The following RIC3 variants were observed in gnomAD, a reference collection of about 807,000 sequenced individuals.
The protein encoded by RIC3 is protein RIC-3.
Under a neutral mutation model 27.3 loss-of-function variants are expected in RIC3, and 28 were observed. That is an observed-to-expected ratio of 1.02 (90% CI 0.76 to 1.41). RIC3 has a LOEUF of 1.41. RIC3 is among the 40% of genes most tolerant of loss of function. The probability of loss-of-function intolerance (pLI) is 0.00; values close to 1 mark genes in which losing one functional copy is unlikely to be tolerated. For missense variants in RIC3, 501 were observed against 444.7 expected, an observed-to-expected ratio of 1.13 and a Z score of -1.14; for synonymous variants, 184 against 160.4, an observed-to-expected ratio of 1.15 and a Z score of -1.11.
chr11:8,147,228 A>T (rs1949776924), intron 1 of RIC3, among the ~76,000 whole-genome samples: 1 of 152,194 alleles, frequency 6.6e-6, no homozygotes. Flanking sequence ...ATATTGATTG[A>T]TGTCTCATGT....
chr11:8,115,467 G>C (rs1023473410), intron 5 of RIC3, among the ~76,000 whole-genome samples: 1 of 152,106 alleles, frequency 6.6e-6, no homozygotes, highest in African/African-American at 2.4e-5. Flanking sequence ...TCTTCAAGTA[G>C]AGAGCAAGGG....
chr11:8,159,737 C>G lies in RIC3; in HGVS notation c.124+9129G>C, dbSNP rs189928715. Among the ~76,000 whole-genome samples the G allele has an allele frequency of 6.2e-3, 944 of 152,210 alleles. 22 individuals are homozygous for G. Among genetic ancestry groups the G allele is most frequent in the Admixed American group, 0.051 (777 of 15,290 alleles). On this transcript the variant is annotated intron_variant, in intron 1 of 5. Coordinates refer to ENST00000309737, the MANE Select transcript of RIC3 (RefSeq NM_001206671.4). ...TGGGCATGGTGGCTCATGTCTGTAA[C>G]TCCAGCACTCTGGGAGGCCAAGGCA... is the stretch of plus-strand genomic sequence containing the variant.
At chr11:8,100,656 G>A in the RIC3 span, 4 of 1,571,204 alleles carry the variant, frequency 2.5e-6, no homozygotes, top group Non-Finnish European at 3.5e-6. Context: ...CTCTGCATGA[G>A]CTTCTAAGGG....
the RIC3 span, chr11:8,096,940 C>A: frequency 9.7e-7 from 1 of 1,035,834 alleles, no homozygotes; most frequent in Non-Finnish European, 1.5e-6. Context: ...CTCTACCTTG[C>A]CTCCTAACCT....
intron 1 of RIC3, among the ~76,000 whole-genome samples, chr11:8,150,598 C>T (rs1371634623): frequency 6.6e-6 from 1 of 151,664 alleles, no homozygotes. Context: ...GAATGGTTCC[C>T]AATACCAAAA....
chr11:8,095,437 G>A, the RIC3 span: 1 of 1,532,754 alleles, frequency 6.5e-7, no homozygotes, highest in Non-Finnish European at 8.8e-7. Flanking sequence ...ATGGACGTCT[G>A]AGAATCCAGG....
intron 5 of RIC3, among the ~76,000 whole-genome samples, chr11:8,115,945 T>A: frequency 6.6e-6 from 1 of 152,102 alleles, no homozygotes; most frequent in Admixed American, 6.6e-5. Context: ...CCAAAGCAAT[T>A]GTGAACAAAA....
In RIC3 at chr11:8,140,024, C is replaced by G. The variant is rs1948868580; in HGVS notation, c.294G>C (p.Gln98His). The G allele has an allele frequency of 6.2e-7, 1 of 1,614,030 alleles. No individual in the cohort carries two copies. Among genetic ancestry groups the G allele is most frequent in the Admixed American group, 1.7e-5 (1 of 60,002 alleles). ...GGGSGRGLMG[Q>H]IIPIYGFGIF... is the part of the protein sequence containing the mutation. ...TCCCAAAACCGTAGATTGGAATAAT[C>G]TGCCCCATCAGACCTCTTCCACTAC... is the stretch of plus-strand genomic sequence containing the variant. The change falls in exon 2 of 6, where the codon CAG becomes CAC. Residue 98 changes from glutamine to histidine, a missense_variant. Gln to His is a conservative substitution (Grantham distance 24). Transcript: ENST00000309737.
the RIC3 span, among the ~76,000 whole-genome samples, chr11:8,096,529 G>A: frequency 6.6e-6 from 1 of 152,216 alleles, no homozygotes; most frequent in African/African-American, 2.4e-5. Context: ...ATGTGTGAAT[G>A]GGAGTCTATA....
intron 1 of RIC3, among the ~76,000 whole-genome samples, chr11:8,152,137 C>T (rs986728172): frequency 8.5e-5 from 13 of 152,084 alleles, no homozygotes; most frequent in African/African-American, 2.4e-4. Flanking sequence ...AACTCTCATA[C>T]GCTGCTAGTG....
the RIC3 span, among the ~76,000 whole-genome samples, chr11:8,100,047 T>C: frequency 1.3e-4 from 20 of 152,194 alleles, no homozygotes; most frequent in Non-Finnish European, 2.5e-4. Flanking sequence ...GGCTGCTGTG[T>C]TGAGAACAGA....
At chr11:8,104,565 G>C (rs956512195), downstream of RIC3, 1 of 152,162 alleles carries the variant, frequency 6.6e-6, no homozygotes, top group East Asian at 1.9e-4. Flanking sequence ...ATCGCCTGTG[G>C]ATTTTGTCCA....
intron 1 of RIC3, among the ~76,000 whole-genome samples, chr11:8,141,771 C>G (rs1372566525): frequency 3.3e-5 from 5 of 152,118 alleles, no homozygotes; most frequent in Non-Finnish European, 4.4e-5. Context: ...TGACCACATA[C>G]TTGGAAGTAA....
intron 5 of RIC3, among the ~76,000 whole-genome samples, chr11:8,112,387 C>T (rs900692870): frequency 1.3e-5 from 2 of 151,632 alleles, no homozygotes; most frequent in African/African-American, 2.4e-5. Flanking sequence ...TCTGCCTCCC[C>T]GATTCAAGTG....
rs1199781627 is a variant in RIC3 at position 8,140,079 on chromosome 11, T to C, written c.239A>G (p.Lys80Arg). The C allele has an allele frequency of 2.5e-6, 4 of 1,614,130 alleles. No individual in the cohort carries two copies. Among genetic ancestry groups the C allele is most frequent in the Non-Finnish European group, 2.5e-6 (3 of 1,180,020 alleles). Residue 80 changes from lysine to arginine, a missense_variant, in exon 2 of 6, where the codon AAA becomes AGA. By Grantham distance (26) the Lys-to-Arg change is conservative. Coordinates refer to ENST00000309737, the MANE Select transcript of RIC3 (RefSeq NM_001206671.4). Reference sequence around the variant, plus strand: ...TCCTCCAGCACCTCCACCTGATCCTTTGGCCTTTGCAAATGCCTCGGCAAG... The same window carrying C: ...TCCTCCAGCACCTCCACCTGATCCTCTGGCCTTTGCAAATGCCTCGGCAAG... ...SHLAEAFAKA[K>R]GSGGGAGGGG... is the part of the protein sequence containing the mutation.
chr11:8,112,383 T>C (rs1945379263), intron 5 of RIC3, among the ~76,000 whole-genome samples: 1 of 151,630 alleles, frequency 6.6e-6, no homozygotes, highest in African/African-American at 2.4e-5. Context: ...AACCTCTGCC[T>C]CCCCGATTCA....
rs1944920798 is a variant in RIC3 at position 8,108,635 on chromosome 11, TC to T, written c.*2062del. Reference sequence around the variant, plus strand: ...AGAAAATGCAGGGACAGATTATGGCTCATGTTTCTCTGCCTGCAGGATTCAC... The same window carrying T: ...AGAAAATGCAGGGACAGATTATGGCTATGTTTCTCTGCCTGCAGGATTCAC... On this transcript the variant is annotated 3_prime_UTR_variant, in exon 6 of 6. Transcript: ENST00000309737. 1 of 152,182 alleles carries T rather than the reference TC, an allele frequency of 6.6e-6. No homozygotes were observed. The highest frequency in any genetic ancestry group is 1.5e-5 in the Non-Finnish European group (1 of 68,030). The allele number at this position is 152,182 out of a possible 1,614,324, so 9.4% of individuals were successfully genotyped here.
chr11:8,101,848 C>A, downstream of RIC3: 1 of 452,124 alleles, frequency 2.2e-6, no homozygotes, highest in Non-Finnish European at 3.5e-6. Context: ...GAGAATAATT[C>A]TTTCCATGCC....
chr11:8,118,649 C>T (rs930541317), intron 5 of RIC3, among the ~76,000 whole-genome samples: 8 of 151,732 alleles, frequency 5.3e-5, no homozygotes, highest in African/African-American at 1.9e-4. Context: ...AGTTGGATCA[C>T]CTGAGGTCAA....
Sources: allele counts gnomAD v4.1 joint callset (sites outside exome capture counted in the v4.1 genomes callset), GRCh38; gene constraint gnomAD v4.1.1; transcripts MANE v1.5; gene names NCBI Gene and HGNC (gene_info 2026-07-23, HGNC 2026-07-21).